The following ENPP2 variants were observed in gnomAD, a reference collection of about 807,000 sequenced individuals.
The protein encoded by ENPP2 is autotaxin.
Under a neutral mutation model 120.2 loss-of-function variants are expected in ENPP2, and 51 were observed. That is an observed-to-expected ratio of 0.42 (90% CI 0.34 to 0.54). The LOEUF (loss-of-function observed/expected upper bound fraction) is 0.54, where lower values mean the gene tolerates loss of function less well. ENPP2 is among the 20% of genes least tolerant of loss of function. The pLI is 0.04. For missense variants in ENPP2, 920 were observed against 1,066.5 expected (o/e 0.86, Z 1.91); for synonymous variants, 365 against 366.4 (o/e 1.00, Z 0.04).
intron 8 of ENPP2, 72 bp downstream of exon 8, chr8:119,616,193 C>G (rs1815443000): frequency 2.1e-6 from 3 of 1,454,262 alleles, no homozygotes; most frequent in Admixed American, 2.0e-5. Flanking sequence ...CCACATCTAA[C>G]AAATTTGGGG....
intron 1 of ENPP2, among the ~76,000 whole-genome samples, chr8:119,653,617 C>A (rs1817686174): frequency 2.0e-5 from 3 of 147,366 alleles, no homozygotes. Context: ...CAGTAAGAGA[C>A]AATGTCAAAG....
intron 22 of ENPP2, 140 bp from the exon 23 acceptor site, chr8:119,565,095 A>C: frequency 1.5e-6 from 1 of 645,326 alleles, no homozygotes; most frequent in Non-Finnish European, 2.7e-6. Flanking sequence ...CATGAGATGA[A>C]TCAATTCTAT....
At chr8:119,619,352 C>T (rs747843476) in intron 4 of ENPP2, 48 bp from the exon 5 acceptor site, 3 of 1,279,014 alleles carry the variant, frequency 2.3e-6, no homozygotes, top group African/African-American at 1.5e-5. Flanking sequence ...ATTACAAATG[C>T]CATGCCTTGA....
At chr8:119,617,072 A>G (rs1812577229) in intron 7 of ENPP2, 92 bp downstream of exon 7, 1 of 825,924 alleles carries the variant, frequency 1.2e-6, no homozygotes, top group East Asian at 2.5e-5. Context: ...TTGAACACTA[A>G]GGAACACGTT....
intron 1 of ENPP2, among the ~76,000 whole-genome samples, chr8:119,654,511 T>C (rs1817715797): frequency 1.4e-5 from 2 of 147,554 alleles, no homozygotes; most frequent in African/African-American, 4.9e-5. Flanking sequence ...TTAATATATA[T>C]AATAAATATT....
chr8:119,613,970 A>G (rs951202105), intron 8 of ENPP2, among the ~76,000 whole-genome samples: 6 of 152,226 alleles, frequency 3.9e-5, no homozygotes, highest in Non-Finnish European at 8.8e-5. Context: ...TGTATAATAG[A>G]ATAGAACAAT....
intron 1 of ENPP2, among the ~76,000 whole-genome samples, chr8:119,669,706 TCATA>T: frequency 6.6e-6 from 1 of 152,318 alleles, no homozygotes; most frequent in East Asian, 1.9e-4. Flanking sequence ...CACTGAAAGT[TCATA>T]CAAAGTGCAA....
At position 119,626,704 on chromosome 8, in the gene ENPP2, G is replaced by A. The variant is rs965643358; in HGVS notation, c.153C>T (p.Pro51=). 3.7e-6 allele frequency: 6 copies of A among 1,614,026 alleles called. No individual in the cohort carries two copies. The highest frequency in any genetic ancestry group is 5.1e-6 in the Non-Finnish European group (6 of 1,179,926). The part of the protein sequence containing the change: ...EGPPTVLSDS[P]WTNISGSCKG... ...TGCAAGATCCGGAGATGTTGGTCCA[G>A]GGGGAGTCTGATAGCACTGCAAAGA... Residue 51 remains proline, a synonymous_variant, in exon 3 of 25, where the codon CCC becomes CCT. Transcript: ENST00000075322.
In ENPP2 at chr8:119,570,771, G is replaced by A. The variant is rs750788733; in HGVS notation, c.1851C>T (p.Asp617=). ...RTRYDILYHT[D]FESGYSEIFL... Reference sequence around the variant, plus strand: ...ATATTTCACTATAACCACTTTCAAAGTCAGTGTGATATAAGATATCATATC... The same window carrying A: ...ATATTTCACTATAACCACTTTCAAAATCAGTGTGATATAAGATATCATATC... Residue 617 remains aspartate (D), a synonymous_variant, in exon 20 of 25, where the codon GAC becomes GAT. Transcript: ENST00000075322. 2 of 1,592,742 alleles carry A rather than the reference G, an allele frequency of 1.3e-6. No homozygotes were observed. Among genetic ancestry groups the A allele is most frequent in the African/African-American group, 2.7e-5 (2 of 74,160 alleles).
intron 19 of ENPP2, among the ~76,000 whole-genome samples, chr8:119,576,793 A>G (rs1812372369): frequency 6.6e-6 from 1 of 152,222 alleles, no homozygotes; most frequent in African/African-American, 2.4e-5. Flanking sequence ...CATTAGGTAT[A>G]TGAGATCCAG....
chr8:119,645,672 G>A (rs1043412872), intron 1 of ENPP2, among the ~76,000 whole-genome samples: 25 of 151,906 alleles, frequency 1.6e-4, no homozygotes, highest in African/African-American at 4.3e-4. Flanking sequence ...AAAATTAGGC[G>A]GGCGTGGTGG....
chr8:119,558,499 T>G (rs1313303060), intron 24 of ENPP2, among the ~76,000 whole-genome samples: 1 of 151,968 alleles, frequency 6.6e-6, no homozygotes, highest in African/African-American at 2.4e-5. Context: ...TTGCCAAAAA[T>G]TGCCCCACTG....
At chr8:119,630,390 A>G (rs7014683) in intron 2 of ENPP2, among the ~76,000 whole-genome samples, 48,206 of 152,028 alleles carry the variant, frequency 0.32, 9,009 homozygotes, top group African/African-American at 0.51. Context: ...TTACAGGCTT[A>G]AGCCACCACA....
intron 20 of ENPP2, 105 bp from the exon 21 acceptor site, chr8:119,569,475 T>C (rs746133418): frequency 3.9e-6 from 4 of 1,028,644 alleles, no homozygotes; most frequent in Non-Finnish European, 5.4e-6. Flanking sequence ...ATTGATAGTC[T>C]GACTCCTTTT....
In ENPP2 at chr8:119,570,937, T is replaced by C. The variant is rs1814925236; in HGVS notation, c.1781-96A>G. The stretch of plus-strand genomic sequence containing the variant: ...GAAGAGTCAAGTTACCTAAAATGGC[T>C]AGCTTACTTATTATTAATATAGCAC... On this transcript the variant is annotated intron_variant, in intron 19 of 24. Transcript: ENST00000075322. 3 of 725,482 alleles carry C rather than the reference T, an allele frequency of 4.1e-6. No homozygotes were observed. In the South Asian group the frequency reaches 8.4e-5, roughly 20 times the overall value. The allele number at this position is 725,482 out of a possible 1,614,324, so 44.9% of individuals were successfully genotyped here. A position where few individuals can be genotyped will look rare whatever the true frequency, so the allele number is the denominator to read the frequency against.
intron 19 of ENPP2, among the ~76,000 whole-genome samples, chr8:119,574,569 G>T (rs1812205489): frequency 6.6e-6 from 1 of 151,918 alleles, no homozygotes; most frequent in South Asian, 2.1e-4. Flanking sequence ...CTTTTTAAGT[G>T]GTGTGGACTT....
intron 14 of ENPP2, among the ~76,000 whole-genome samples, chr8:119,586,641 C>T (rs898225226): frequency 6.6e-6 from 1 of 151,678 alleles, no homozygotes; most frequent in Non-Finnish European, 1.5e-5. Flanking sequence ...GGTGGGGTGT[C>T]GGTGGGAGGG....
intron 12 of ENPP2, among the ~76,000 whole-genome samples, chr8:119,592,391 T>G (rs1420601985): frequency 1.4e-5 from 2 of 147,578 alleles, no homozygotes; most frequent in Non-Finnish European, 3.0e-5. Context: ...GAGAATCACT[T>G]GAACCCGGGA....
At chr8:119,616,848 C>T (rs1264944490) in intron 7 of ENPP2, among the ~76,000 whole-genome samples, 1 of 151,954 alleles carries the variant, frequency 6.6e-6, no homozygotes, top group Non-Finnish European at 1.5e-5. Context: ...TAAAATATAG[C>T]CCTGAAGTCA....
Sources: gnomAD v4.1 joint callset for allele counts (sites outside exome capture counted in the v4.1 genomes callset) on GRCh38, gnomAD v4.1.1 for gene constraint, MANE v1.5 for transcripts, NCBI Gene and HGNC (gene_info 2026-07-23, HGNC 2026-07-21) for gene names.